Variants in FOXL2NB observed in about 807,000 individuals in gnomAD.
FOXL2NB encodes the protein FOXL2 neighbor protein.
Under a neutral mutation model 7.4 loss-of-function variants are expected in FOXL2NB, and 10 were observed. The observed-to-expected ratio is 1.34, with a 90% CI of 0.83 to 2.28. The LOEUF (loss-of-function observed/expected upper bound fraction) is 2.28, where lower values mean the gene tolerates loss of function less well. Among genes scored for constraint, FOXL2NB ranks in the 30% most tolerant of loss-of-function variants. The pLI is 0.00. For missense variants in FOXL2NB, 228 were observed against 233.9 expected (o/e 0.97, Z 0.17); for synonymous variants, 104 against 105.3 (o/e 0.99, Z 0.08).
rs749921652 is a variant in FOXL2NB at position 138,949,598 on chromosome 3, G to A, written c.179G>A (p.Cys60Tyr). Residue 60 changes from cysteine (C) to tyrosine (Y), a missense_variant, in exon 2 of 3, where the codon TGC (cysteine) becomes TAC (tyrosine). Cys to Tyr is a radical substitution (Grantham distance 194, BLOSUM62 -2). Transcript: ENST00000383165. The surrounding 1 kb of genome is among the most constrained non-coding windows in gnomAD (Gnocchi z 4.5). Reference protein sequence around the residue: ...GRAGIGLPKMCLHMAVRHSKA... With the variant: ...GRAGIGLPKMYLHMAVRHSKA... ...GCTGGAATCGGTCTCCCCAAGATGT[G>A]CCTTCACATGGCTGTCCGGCATTCG... is the stretch of plus-strand genomic sequence containing the variant. The A allele has an allele frequency of 6.8e-6, 11 of 1,614,124 alleles. No individual in the cohort carries two copies. The highest frequency in any genetic ancestry group is 9.3e-6 in the Non-Finnish European group (11 of 1,180,014).
In FOXL2NB at chr3:138,950,651, A is replaced by G; in HGVS notation, c.*79A>G. The G allele has an allele frequency of 2.7e-6, 4 of 1,479,118 alleles. No individual in the cohort carries two copies. The highest frequency in any genetic ancestry group is 3.7e-6 in the Non-Finnish European group (4 of 1,074,942). The allele number at this position is 1,479,118 out of a possible 1,614,324, so 91.6% of individuals were successfully genotyped here. On this transcript the variant is annotated 3_prime_UTR_variant, in exon 3 of 3. Transcript: ENST00000383165. The stretch of plus-strand genomic sequence containing the variant: ...GCCCCTCACAGGGCCCTTTGCACCC[A>G]CACCTCAGGGACTCGGTGTCCCTCC...
At position 138,950,316 on chromosome 3, in the gene FOXL2NB, G is replaced by A; in HGVS notation, c.272G>A (p.Gly91Asp). The change falls in exon 3 of 3, where the codon GGC (glycine) becomes GAC (aspartate). Residue 91 changes from glycine to aspartate, a missense_variant. Gly to Asp is a moderately conservative substitution (Grantham distance 94, BLOSUM62 -1). Coordinates refer to ENST00000383165, the MANE Select transcript of FOXL2NB (RefSeq NM_001040061.3). ...RQKPPAPRAS[G>D]GPALLGKRRG... Reference sequence around the variant, plus strand: ...AAGCCGCCCGCGCCTCGGGCTTCCGGCGGCCCAGCTCTACTAGGGAAGCGT... The same window carrying A: ...AAGCCGCCCGCGCCTCGGGCTTCCGACGGCCCAGCTCTACTAGGGAAGCGT... The A allele has an allele frequency of 2.5e-6, 4 of 1,607,382 alleles. No individual in the cohort carries two copies. The highest frequency in any genetic ancestry group is 3.4e-6 in the Non-Finnish European group (4 of 1,178,466).
rs1202616465 is a variant in FOXL2NB at position 138,951,579 on chromosome 3, T to G, written c.*1007T>G. 6.6e-6 allele frequency: 1 copy of G among 152,214 alleles called. No individual in the cohort carries two copies. The highest frequency in any genetic ancestry group is 1.5e-5 in the Non-Finnish European group (1 of 68,048). 9.4% of individuals were successfully genotyped at this position (152,214 alleles called of 1,614,324 possible). ...AGAAGGGTCTGGGTCCTGGGCCAAGTGAGGCCCTCTTCCCTCCAAAGACCC... is the reference window on the plus strand; with the variant it reads ...AGAAGGGTCTGGGTCCTGGGCCAAGGGAGGCCCTCTTCCCTCCAAAGACCC... On this transcript the variant is annotated 3_prime_UTR_variant, in exon 3 of 3. Transcript: ENST00000383165.
Position 138,947,518 on chromosome 3 carries a change from C to T in FOXL2NB, c.100+54C>T. 1 of 1,506,782 alleles carries T rather than the reference C, an allele frequency of 6.6e-7. No individual in the cohort carries two copies. Among genetic ancestry groups the T allele is most frequent in the South Asian group, 1.2e-5 (1 of 81,564 alleles). 93.3% of individuals were successfully genotyped at this position (1,506,782 alleles called of 1,614,324 possible). A position where few individuals can be genotyped will look rare whatever the true frequency, so the allele number is the denominator to read the frequency against. The stretch of plus-strand genomic sequence containing the variant: ...CGTTTGCTGCCGTCTTGAGGCTGAA[C>T]TTCTAGCTCGGGGCTGGGGAGGGGC... On this transcript the variant is annotated intron_variant, in intron 1 of 2. Coordinates refer to ENST00000383165, the MANE Select transcript of FOXL2NB (RefSeq NM_001040061.3). The surrounding 1 kb of genome is among the most constrained non-coding windows in gnomAD (Gnocchi z 5.2).
chr3:138,947,898 T>C lies in FOXL2NB; in HGVS notation c.100+434T>C. ...CAGGCGGGGCTGTTGCCCGGGACTT[T>C]GCGGGACTGTGTATGTGTGTGCACA... On this transcript the variant is annotated intron_variant, in intron 1 of 2. Transcript: ENST00000383165. This position sits in a 1 kb window ranked among gnomAD's most constrained non-coding sequence, Gnocchi z 5.2. 1 of 997,816 alleles carries C rather than the reference T, an allele frequency of 1.0e-6. No individual in the cohort carries two copies. The highest frequency in any genetic ancestry group is 1.2e-6 in the Non-Finnish European group (1 of 838,294). 61.8% of individuals were successfully genotyped at this position (997,816 alleles called of 1,614,324 possible).
In FOXL2NB at chr3:138,950,561, T is replaced by C. The variant is rs750884332; in HGVS notation, c.517T>C (p.Cys173Arg). 1.9e-6 allele frequency: 3 copies of C among 1,614,012 alleles called. No homozygotes were observed. Among genetic ancestry groups the C allele is most frequent in the Non-Finnish European group, 2.5e-6 (3 of 1,180,024 alleles). The change falls in exon 3 of 3, where the codon TGT becomes CGT. Residue 173 changes from cysteine to arginine, a missense_variant. Coordinates refer to ENST00000383165, the MANE Select transcript of FOXL2NB (RefSeq NM_001040061.3). ...RCLASKGKLH[C>R]VY is the part of the protein sequence containing the mutation. The stretch of plus-strand genomic sequence containing the variant: ...CTTGGCTAGCAAAGGGAAGCTTCAC[T>C]GTGTCTATTAGTACATCCCCATACA...
At position 138,951,968 on chromosome 3, in the gene FOXL2NB, G is replaced by A. The variant is rs188089488; in HGVS notation, c.*1396G>A. 1.3e-5 allele frequency: 2 copies of A among 152,348 alleles called. No homozygotes were observed. The highest frequency in any genetic ancestry group is 3.9e-4 in the East Asian group (2 of 5,186). The allele number at this position is 152,348 out of a possible 1,614,324, so 9.4% of individuals were successfully genotyped here. On this transcript the variant is annotated 3_prime_UTR_variant, in exon 3 of 3. Coordinates refer to ENST00000383165, the MANE Select transcript of FOXL2NB (RefSeq NM_001040061.3). ...GTTATAATGAAGTTAGAATTTCCAA[G>A]AAAGGGACTGTAGCTGAGGAAAAGC... is the stretch of plus-strand genomic sequence containing the variant.
chr3:138,950,902 C>A lies in FOXL2NB; in HGVS notation c.*330C>A, dbSNP rs1159220008. ...CTCACGGTGCAGAAGGACCAATGGGCTCCAGGTTTACAAGCCTGACTCCGA... is the reference window on the plus strand; with the variant it reads ...CTCACGGTGCAGAAGGACCAATGGGATCCAGGTTTACAAGCCTGACTCCGA... On this transcript the variant is annotated 3_prime_UTR_variant, in exon 3 of 3. Transcript: ENST00000383165. 2 of 323,462 alleles carry A rather than the reference C, an allele frequency of 6.2e-6. No individual in the cohort carries two copies. Among genetic ancestry groups the A allele is most frequent in the African/African-American group, 4.5e-5 (2 of 44,634 alleles). The allele number at this position is 323,462 out of a possible 1,614,324, so 20.0% of individuals were successfully genotyped here. A position where few individuals can be genotyped will look rare whatever the true frequency, so the allele number is the denominator to read the frequency against.
Position 138,947,688 on chromosome 3 carries a change from G to A in FOXL2NB, c.100+224G>A, listed in dbSNP as rs1414512720. The A allele has an allele frequency of 7.7e-7, 1 of 1,299,286 alleles. No homozygotes were observed. The highest frequency in any genetic ancestry group is 2.2e-5 in the South Asian group (1 of 44,920). The allele number at this position is 1,299,286 out of a possible 1,614,324, so 80.5% of individuals were successfully genotyped here. On this transcript the variant is annotated intron_variant, in intron 1 of 2. Transcript: ENST00000383165. This position sits in a 1 kb window ranked among gnomAD's most constrained non-coding sequence, Gnocchi z 5.2. ...CTCTCAGAGTGACTGGGCTGGAATG[G>A]GGCAGGGGAGAGGATCTCTGGAAAT... is the stretch of plus-strand genomic sequence containing the variant.
intron 2 of FOXL2NB, 66 bp from the exon 3 acceptor site, chr3:138,950,199 C>A: frequency 1.3e-6 from 2 of 1,569,904 alleles, no homozygotes; most frequent in Non-Finnish European, 1.7e-6. Flanking sequence ...GGCCCCGCGC[C>A]TCGGAGGTCC....
In FOXL2NB at chr3:138,947,888, C is replaced by T; in HGVS notation, c.100+424C>T. ...TGCACTAACACAGGCGGGGCTGTTG[C>T]CCGGGACTTTGCGGGACTGTGTATG... is the stretch of plus-strand genomic sequence containing the variant. On this transcript the variant is annotated intron_variant, in intron 1 of 2. Coordinates refer to ENST00000383165, the MANE Select transcript of FOXL2NB (RefSeq NM_001040061.3). This position sits in a 1 kb window ranked among gnomAD's most constrained non-coding sequence, Gnocchi z 5.2. 1.0e-6 allele frequency: 1 copy of T among 998,716 alleles called. No individual in the cohort carries two copies. The allele number at this position is 998,716 out of a possible 1,614,324, so 61.9% of individuals were successfully genotyped here.
Position 138,947,503 on chromosome 3 carries a change from C to A in FOXL2NB, c.100+39C>A. 1 of 1,513,586 alleles carries A rather than the reference C, an allele frequency of 6.6e-7. No individual in the cohort carries two copies. The highest frequency in any genetic ancestry group is 1.2e-5 in the South Asian group (1 of 82,248). 93.8% of individuals were successfully genotyped at this position (1,513,586 alleles called of 1,614,324 possible). On this transcript the variant is annotated intron_variant, in intron 1 of 2. Coordinates refer to ENST00000383165, the MANE Select transcript of FOXL2NB (RefSeq NM_001040061.3). The surrounding 1 kb of genome is among the most constrained non-coding windows in gnomAD (Gnocchi z 5.2). ...ACTCCTTTGCTCTGCCGTTTGCTGC[C>A]GTCTTGAGGCTGAACTTCTAGCTCG...
rs997931113 is a variant in FOXL2NB at position 138,949,303 on chromosome 3, C to T, written c.101-217C>T. ...TCAGCCCTGCAGCAGCCAGGTGTAA[C>T]AGCATTGTTGTGTGTGTCATCACTT... is the stretch of plus-strand genomic sequence containing the variant. On this transcript the variant is annotated intron_variant, in intron 1 of 2. Transcript: ENST00000383165. This position sits in a 1 kb window ranked among gnomAD's most constrained non-coding sequence, Gnocchi z 4.5. 1.3e-5 allele frequency among the ~76,000 whole-genome samples: 2 copies of T among 151,930 alleles called. No homozygotes were observed. The highest frequency in any genetic ancestry group is 6.6e-5 in the Admixed American group (1 of 15,246).
chr3:138,949,194 T>TC lies in FOXL2NB; in HGVS notation c.101-324dup, dbSNP rs1210896440. On this transcript the variant is annotated intron_variant, in intron 1 of 2. Transcript: ENST00000383165. The surrounding 1 kb of genome is among the most constrained non-coding windows in gnomAD (Gnocchi z 4.5). Reference sequence around the variant, plus strand: ...GTGGGGGCTCCTCTCTCCTTTTCTCTCCTTTTTTTTTTTCTTGACCACCCA... The same window carrying TC: ...GTGGGGGCTCCTCTCTCCTTTTCTCTCCCTTTTTTTTTTTCTTGACCACCCA... Among the ~76,000 whole-genome samples the TC allele has an allele frequency of 6.7e-6, 1 of 148,878 alleles. No homozygotes were observed. The highest frequency in any genetic ancestry group is 1.5e-5 in the Non-Finnish European group (1 of 67,466).
At position 138,949,478 on chromosome 3, in the gene FOXL2NB, G is replaced by A. The variant is rs747049760; in HGVS notation, c.101-42G>A. On this transcript the variant is annotated intron_variant, in intron 1 of 2. Coordinates refer to ENST00000383165, the MANE Select transcript of FOXL2NB (RefSeq NM_001040061.3). This position sits in a 1 kb window ranked among gnomAD's most constrained non-coding sequence, Gnocchi z 4.5. The stretch of plus-strand genomic sequence containing the variant: ...GATTTTCAGAATAGAAAGGAGTTCT[G>A]CTCTGAAAATACTGATTTCTGACTG... 40 of 1,612,206 alleles carry A rather than the reference G, an allele frequency of 2.5e-5. No individual in the cohort carries two copies. The highest frequency in any genetic ancestry group is 3.1e-5 in the Non-Finnish European group (36 of 1,179,236).
intron 1 of FOXL2NB, chr3:138,948,043 C>A: frequency 1.1e-6 from 1 of 929,398 alleles, no homozygotes; most frequent in Non-Finnish European, 1.3e-6. Flanking sequence ...TTTGTATTTA[C>A]GAGGTAAAAC....
chr3:138,950,183 C>T (rs112935973), intron 2 of FOXL2NB, 82 bp from the exon 3 acceptor site: 1 of 1,476,072 alleles, frequency 6.8e-7, no homozygotes, highest in Non-Finnish European at 9.4e-7. Flanking sequence ...CGCCTCCTCG[C>T]AGCCTGGCCC....
rs764249769 is a variant in FOXL2NB at position 138,950,451 on chromosome 3, G to A, written c.407G>A (p.Arg136Gln). The change falls in exon 3 of 3, where the codon CGA becomes CAA. Residue 136 changes from arginine to glutamine, a missense_variant. Coordinates refer to ENST00000383165, the MANE Select transcript of FOXL2NB (RefSeq NM_001040061.3). ...VPLSPFLAGPRNTRRLPAPER... is the reference protein window; with the variant it reads ...VPLSPFLAGPQNTRRLPAPER... The stretch of plus-strand genomic sequence containing the variant: ...CTGTCCCCTTTCCTAGCGGGACCCC[G>A]AAACACCCGGCGGCTTCCCGCTCCT... 1.2e-5 allele frequency: 20 copies of A among 1,614,106 alleles called. No individual in the cohort carries two copies. The highest frequency in any genetic ancestry group is 1.6e-5 in the Non-Finnish European group (19 of 1,180,038).
rs764206072 is a variant in FOXL2NB at position 138,950,554 on chromosome 3, G to C, written c.510G>C (p.Lys170Asn). ...WPLRCLASKG[K>N]LHCVY is the part of the protein sequence containing the mutation. ...TGCGGTGCTTGGCTAGCAAAGGGAA[G>C]CTTCACTGTGTCTATTAGTACATCC... The change falls in exon 3 of 3, where the codon AAG becomes AAC. Residue 170 changes from lysine (K) to asparagine (N), a missense_variant. Transcript: ENST00000383165. 6.2e-7 allele frequency: 1 copy of C among 1,614,172 alleles called. No individual in the cohort carries two copies. The highest frequency in any genetic ancestry group is 1.1e-5 in the South Asian group (1 of 91,086).
Sources: gnomAD v4.1 joint callset for allele counts (sites outside exome capture counted in the v4.1 genomes callset) on GRCh38, gnomAD v4.1.1 for gene constraint, Gnocchi (gnomAD v3.1) non-coding constraint, MANE v1.5 for transcripts, NCBI Gene and HGNC (gene_info 2026-07-23, HGNC 2026-07-21) for gene names.